HGF: variants seen among roughly 807,000 people sequenced by gnomAD.
HGF encodes the protein fibroblast-derived tumor cytotoxic factor.
In HGF, 39 loss-of-function variants were observed where a neutral mutation model predicts 111.6. That is an observed-to-expected ratio of 0.35 (90% CI 0.27 to 0.46). HGF has a LOEUF of 0.46. HGF is among the 20% of genes least tolerant of loss of function. HGF has a pLI of 1.00. For missense variants in HGF, 735 were observed against 910.5 expected, an observed-to-expected ratio of 0.81 and a Z score of 2.48; for synonymous variants, 285 against 294.8, an observed-to-expected ratio of 0.97 and a Z score of 0.34.
At chr7:81,745,334 T>G (rs560738403) in intron 5 of HGF, among the ~76,000 whole-genome samples, 1 of 152,276 alleles carries the variant, frequency 6.6e-6, no homozygotes, top group Non-Finnish European at 1.5e-5. Flanking sequence ...ATTTTTGTAC[T>G]TAGTGTCACA....
chr7:81,727,756 AT>A (rs1431141004), intron 8 of HGF, among the ~76,000 whole-genome samples: 7 of 152,072 alleles, frequency 4.6e-5, no homozygotes, highest in African/African-American at 1.7e-4. Flanking sequence ...AAAGTTCTGG[AT>A]TGTTCATTTA....
chr7:81,707,532 T>C (rs775520502), intron 13 of HGF, among the ~76,000 whole-genome samples, 168 bp from the exon 14 acceptor site: 1 of 152,116 alleles, frequency 6.6e-6, no homozygotes, highest in Non-Finnish European at 1.5e-5. Context: ...TGAAGGGTGA[T>C]ATTTGGTGAT....
intron 1 of HGF, among the ~76,000 whole-genome samples, chr7:81,766,804 A>G (rs1479346742): frequency 6.6e-6 from 1 of 152,208 alleles, no homozygotes; most frequent in African/African-American, 2.4e-5. Flanking sequence ...TGAAGCAACC[A>G]CACTGAAGAA....
chr7:81,758,841 C>G (rs933888998), intron 2 of HGF, 37 bp from the exon 3 acceptor site: 9 of 1,286,838 alleles, frequency 7.0e-6, no homozygotes, highest in African/African-American at 1.5e-5. Context: ...AGAAATACTA[C>G]TATTTATACA....
At chr7:81,745,771 T>A (rs5745660) in intron 5 of HGF, among the ~76,000 whole-genome samples, 3,919 of 152,330 alleles carry the variant, frequency 0.026, 56 homozygotes, top group South Asian at 0.042. Flanking sequence ...GCTATTGAAC[T>A]CCATGTTCCC....
Position 81,725,972 on chromosome 7 carries a change from T to C in HGF, c.1086A>G (p.Ser362=), listed in dbSNP as rs1367153453. 41 of 1,613,850 alleles carry C rather than the reference T, an allele frequency of 2.5e-5. No homozygotes were observed. Among genetic ancestry groups the C allele is most frequent in the Non-Finnish European group, 3.4e-5 (40 of 1,179,786 alleles). Residue 362 remains serine (S), a synonymous_variant, in exon 9 of 18, where the codon TCA becomes TCG. Transcript: ENST00000222390. ...TTGGATCAGTGGTAAAACACCAGGG[T>C]GATTCAGACCCATCTGGATTTCGGC... ...NYCRNPDGSE[S]PWCFTTDPNI...
chr7:81,710,103 G>C, intron 13 of HGF, 44 bp downstream of exon 13: 1 of 1,283,580 alleles, frequency 7.8e-7, no homozygotes, highest in Non-Finnish European at 1.1e-6. Flanking sequence ...GGACTCTCTT[G>C]TACATATTCT....
chr7:81,741,922 G>C (rs192620647), intron 7 of HGF, among the ~76,000 whole-genome samples: 1,648 of 95,984 alleles, frequency 0.017, 43 homozygotes, highest in African/African-American at 0.061. Flanking sequence ...TGGACAACAA[G>C]AGTGAAACTC....
At chr7:81,760,680 C>CGTGCGTGCGT (rs1198387549) in intron 2 of HGF, among the ~76,000 whole-genome samples, 16 of 139,482 alleles carry the variant, frequency 1.1e-4, no homozygotes, top group African/African-American at 4.3e-4. Flanking sequence ...TATGTGCGTG[C>CGTGCGTGCGT]GTGTGTGTGT....
In HGF at chr7:81,753,701, A is replaced by G. The variant is rs572434513; in HGVS notation, c.483-1439T>C. 1.1e-3 allele frequency among the ~76,000 whole-genome samples: 166 copies of G among 152,174 alleles called. 1 individual carries two copies. Among genetic ancestry groups the G allele is most frequent in the African/African-American group, 3.9e-3 (162 of 41,574 alleles). ...GACTTATTACTAACTAAACATTTTC[A>G]GGGAACCAGTGAAGTATTATCCATA... On this transcript the variant is annotated intron_variant, in intron 4 of 17. Coordinates refer to ENST00000222390, the MANE Select transcript of HGF (RefSeq NM_000601.6).
At position 81,729,661 on chromosome 7, in the gene HGF, A is replaced by G. The variant is rs779783865; in HGVS notation, c.984T>C (p.Arg328=). ...GCTCGTGAGGATACTGAGAATCCCA[A>G]CGCTGACATGGAATTCCATTCCAAA... ...NTIWNGIPCQ[R]WDSQYPHEHD... Residue 328 remains arginine, a synonymous_variant, in exon 8 of 18, where the codon CGT becomes CGC. Coordinates refer to ENST00000222390, the MANE Select transcript of HGF (RefSeq NM_000601.6). 8 of 1,613,782 alleles carry G rather than the reference A, an allele frequency of 5.0e-6. No homozygotes were observed. The Admixed American group carries it at 1.0e-4, about 20-fold the overall frequency.
chr7:81,710,904 C>T (rs767975221), intron 12 of HGF, among the ~76,000 whole-genome samples: 6 of 152,144 alleles, frequency 3.9e-5, no homozygotes, highest in African/African-American at 9.7e-5. Context: ...GCCTGGGGCA[C>T]AGCAGGTGGT....
intron 1 of HGF, chr7:81,763,143 A>AAAATAGATCCAG: frequency 2.3e-6 from 1 of 442,198 alleles, no homozygotes. Flanking sequence ...GACAGAGTTC[A>AAAATAGATCCAG]CACTAAAGAA....
chr7:81,751,901 T>A, intron 5 of HGF: 1 of 1,380,704 alleles, frequency 7.2e-7, no homozygotes. Flanking sequence ...AGTGTTGAAA[T>A]TCAAACTGAT....
At chr7:81,723,699 T>C (rs1789932810) in intron 9 of HGF, among the ~76,000 whole-genome samples, 1 of 150,942 alleles carries the variant, frequency 6.6e-6, no homozygotes, top group Non-Finnish European at 1.5e-5. Flanking sequence ...TTAATTCAGA[T>C]GTTGCAAGAT....
At chr7:81,744,303 AT>A (rs199738928) in intron 6 of HGF, among the ~76,000 whole-genome samples, 3,548 of 146,500 alleles carry the variant, frequency 0.024, 113 homozygotes, top group African/African-American at 0.076. Context: ...AGTAGACATG[AT>A]TTTTTTTTTT....
At chr7:81,711,403 T>C in intron 12 of HGF, 78 bp downstream of exon 12, 1 of 724,348 alleles carries the variant, frequency 1.4e-6, no homozygotes, top group South Asian at 2.1e-5. Flanking sequence ...TAGATAATTT[T>C]CTTTGAAAGA....
At chr7:81,715,995 C>T (rs1192617777) in intron 11 of HGF, among the ~76,000 whole-genome samples, 1 of 152,130 alleles carries the variant, frequency 6.6e-6, no homozygotes, top group Non-Finnish European at 1.5e-5. Flanking sequence ...GTTACAGATA[C>T]ATAGTATAGT....
At chr7:81,749,103 CA>C (rs1469248450) in intron 5 of HGF, among the ~76,000 whole-genome samples, 13 of 152,048 alleles carry the variant, frequency 8.5e-5, no homozygotes, top group African/African-American at 3.1e-4. Context: ...AAAAGTTTGT[CA>C]AATAAATTAT....
Sources: allele counts gnomAD v4.1 joint callset (sites outside exome capture counted in the v4.1 genomes callset), GRCh38; gene constraint gnomAD v4.1.1; transcripts MANE v1.5; gene names NCBI Gene and HGNC (gene_info 2026-07-23, HGNC 2026-07-21).